EFHC2: variants seen among roughly 807,000 people sequenced by gnomAD.
The protein encoded by EFHC2 is EF-hand domain containing 2, also known as EF-hand domain-containing family member C2.
A neutral mutation model predicts 52.7 loss-of-function variants in EFHC2; 18 were observed. The observed-to-expected ratio is 0.34, with a 90% CI of 0.24 to 0.51. EFHC2 has a LOEUF of 0.51. EFHC2 is among the 20% of genes least tolerant of loss of function. The pLI is 0.97. For synonymous variants in EFHC2, 203 were observed against 204.1 expected (o/e 0.99, Z 0.04); for missense variants, 513 against 562.5 (o/e 0.91, Z 0.89).
At chrX:44,325,344 G>A (rs1216137547) in intron 1 of EFHC2, among the ~76,000 whole-genome samples, 5 of 110,652 alleles carry the variant, frequency 4.5e-5, no homozygotes, top group Admixed American at 2.9e-4. Context: ...AAGGAAATTA[G>A]CAAATGTCTT....
intron 10 of EFHC2, among the ~76,000 whole-genome samples, chrX:44,230,396 A>C (rs774577412): frequency 2.7e-5 from 3 of 111,820 alleles, no homozygotes; most frequent in Non-Finnish European, 5.6e-5. Context: ...GAGACCAAAA[A>C]TGAGATTAAA....
chrX:44,225,482 T>G (rs2037226053), intron 11 of EFHC2, among the ~76,000 whole-genome samples: 2 of 110,914 alleles, frequency 1.8e-5, no homozygotes, highest in South Asian at 7.7e-4. Flanking sequence ...CTTGGACCAC[T>G]GCCCAGAGCA....
intron 8 of EFHC2, among the ~76,000 whole-genome samples, chrX:44,237,539 T>C (rs1050768527): frequency 9.0e-6 from 1 of 111,098 alleles, no homozygotes; most frequent in African/African-American, 3.3e-5. Flanking sequence ...CAGCCCAGAG[T>C]TATCTAAAAT....
intron 11 of EFHC2, among the ~76,000 whole-genome samples, chrX:44,216,909 A>G (rs1258601425): frequency 9.0e-6 from 1 of 111,585 alleles, no homozygotes; most frequent in East Asian, 2.8e-4. Flanking sequence ...AACAAAGGAA[A>G]CAATCAACAA....
intron 7 of EFHC2, among the ~76,000 whole-genome samples, chrX:44,242,994 T>G (rs1253662816): frequency 8.9e-6 from 1 of 112,154 alleles, no homozygotes; most frequent in South Asian, 3.7e-4. Flanking sequence ...AATAGCCAAC[T>G]GCCTACTCTC....
chrX:44,277,495 G>T (rs2037669096), intron 2 of EFHC2, among the ~76,000 whole-genome samples: 1 of 111,234 alleles, frequency 9.0e-6, no homozygotes, highest in Non-Finnish European at 1.9e-5. Flanking sequence ...TATGTTAGTA[G>T]ACAAGAAAAA....
intron 3 of EFHC2, among the ~76,000 whole-genome samples, chrX:44,267,703 C>A (rs1265228355): frequency 9.0e-6 from 1 of 111,039 alleles, no homozygotes; most frequent in Non-Finnish European, 1.9e-5. Flanking sequence ...TAATCTTGAC[C>A]ATTTGCCTCT....
chrX:44,229,915 A>C (rs2037262843), intron 10 of EFHC2, 136 bp from the exon 11 acceptor site: 2 of 608,719 alleles, frequency 3.3e-6, no homozygotes, highest in Non-Finnish European at 5.0e-6. Flanking sequence ...AAAGAAACCA[A>C]CACCGAGAAG....
chrX:44,163,245 A>T (rs2036671045), intron 14 of EFHC2, among the ~76,000 whole-genome samples: 1 of 112,035 alleles, frequency 8.9e-6, no homozygotes, highest in Non-Finnish European at 1.9e-5. Context: ...CAACCACATG[A>T]CATTTGCTTT....
chrX:44,286,372 G>A (rs973320663), intron 2 of EFHC2: 1 of 112,579 alleles, frequency 8.9e-6, no homozygotes, highest in African/African-American at 3.2e-5. Context: ...TCGTTGGAAC[G>A]GAGTAAACTA....
At chrX:44,309,281 AAT>A in intron 2 of EFHC2, 1 of 610,758 alleles carries the variant, frequency 1.6e-6, no homozygotes, top group Non-Finnish European at 2.7e-6. Flanking sequence ...GATGGAAAAA[AAT>A]CAGCAAAATA....
At chrX:44,249,071 G>T (rs1459498460) in intron 5 of EFHC2, among the ~76,000 whole-genome samples, 155 bp from the exon 6 acceptor site, 4 of 112,145 alleles carry the variant, frequency 3.6e-5, no homozygotes, top group African/African-American at 1.3e-4. Flanking sequence ...TAAATGTCAG[G>T]TATGTCATTA....
At chrX:44,181,769 A>C (rs1379753549) in intron 11 of EFHC2, among the ~76,000 whole-genome samples, 3 of 112,566 alleles carry the variant, frequency 2.7e-5, no homozygotes, top group East Asian at 5.6e-4. Context: ...TGCACGAGGG[A>C]TCTCAATCAG....
chrX:44,248,989 G>A, intron 5 of EFHC2, 73 bp from the exon 6 acceptor site: 1 of 634,961 alleles, frequency 1.6e-6, no homozygotes, highest in Non-Finnish European at 2.3e-6. Flanking sequence ...CCCAGGGCTG[G>A]CATAGAGGTG....
chrX:44,322,163 T>C (rs966685370), intron 1 of EFHC2, among the ~76,000 whole-genome samples: 2 of 109,953 alleles, frequency 1.8e-5, no homozygotes, highest in African/African-American at 3.3e-5. Flanking sequence ...GCAGCAGTGG[T>C]ACAGACAAAC....
intron 2 of EFHC2, among the ~76,000 whole-genome samples, chrX:44,289,366 T>A (rs1311688966): frequency 9.0e-6 from 1 of 111,299 alleles, no homozygotes; most frequent in Admixed American, 9.6e-5. Flanking sequence ...TAGTGATAAA[T>A]TATATAACTG....
intron 11 of EFHC2, among the ~76,000 whole-genome samples, chrX:44,186,697 G>A (rs945059157): frequency 2.7e-5 from 3 of 111,684 alleles, no homozygotes; most frequent in Non-Finnish European, 5.6e-5. Context: ...CACAACGGTT[G>A]AATACAAAAC....
At chrX:44,250,102 T>C (rs1286293802) in intron 5 of EFHC2, 92 bp downstream of exon 5, 13 of 1,053,902 alleles carry the variant, frequency 1.2e-5, no homozygotes, top group Non-Finnish European at 1.6e-5. Context: ...GCATGGTTAC[T>C]ATCATCATAT....
intron 1 of EFHC2, among the ~76,000 whole-genome samples, chrX:44,328,523 T>C (rs2038065939): frequency 1.8e-5 from 2 of 111,104 alleles, no homozygotes; most frequent in Non-Finnish European, 3.8e-5. Flanking sequence ...ACCACAACTT[T>C]CCACACCTAA....
Sources: allele counts gnomAD v4.1 joint callset (sites outside exome capture counted in the v4.1 genomes callset), GRCh38; gene constraint gnomAD v4.1.1; transcripts MANE v1.5; gene names NCBI Gene and HGNC (gene_info 2026-07-23, HGNC 2026-07-21).